LRP1B: variants seen among roughly 807,000 people sequenced by gnomAD.
The protein encoded by LRP1B is LDL receptor related protein 1B, also known as low-density lipoprotein receptor-related protein 1B.
Under a neutral mutation model 556.6 loss-of-function variants are expected in LRP1B, and 217 were observed. The ratio of observed to expected loss-of-function variants is 0.39; its 90% CI spans 0.35 to 0.44. LRP1B has a LOEUF of 0.44. LRP1B is among the 20% of genes least tolerant of loss of function. The pLI is 1.00. For synonymous variants in LRP1B, 2,047 were observed against 1,865.8 expected, an observed-to-expected ratio of 1.10 and a Z score of -2.50; for missense variants, 5,053 against 5,620.8, an observed-to-expected ratio of 0.90 and a Z score of 3.23.
chr2:140,235,632 C>T (rs1002978080), intron 89 of LRP1B, among the ~76,000 whole-genome samples: 5 of 150,922 alleles, frequency 3.3e-5, no homozygotes, highest in African/African-American at 1.2e-4. Flanking sequence ...TTCAGTCATC[C>T]AATTGGTAAA....
chr2:141,322,913 G>A (rs1484189140), intron 3 of LRP1B, among the ~76,000 whole-genome samples: 2 of 152,020 alleles, frequency 1.3e-5, no homozygotes, highest in African/African-American at 2.4e-5. Context: ...GATTAAAATT[G>A]CAGTCCTATA....
intron 41 of LRP1B, among the ~76,000 whole-genome samples, chr2:140,695,698 A>T (rs1477271704): frequency 6.6e-6 from 1 of 152,188 alleles, no homozygotes; most frequent in Non-Finnish European, 1.5e-5. Context: ...TAGACTTTTA[A>T]CAGTGTCTTC....
intron 1 of LRP1B, among the ~76,000 whole-genome samples, chr2:141,903,300 T>C (rs1043782604): frequency 1.3e-5 from 2 of 152,008 alleles, no homozygotes; most frequent in African/African-American, 4.8e-5. Context: ...TATAAGAAGG[T>C]AAATCAACTT....
rs112852618 is a variant in LRP1B at position 140,632,503 on chromosome 2, A to T, written c.6800-30864T>A. On this transcript the variant is annotated intron_variant, in intron 41 of 90. Transcript: ENST00000389484. ...GGAAAAACACTAAAAATATAAAGCA[A>T]AATATAATTGATATGCTAAAAGAGG... Among the ~76,000 whole-genome samples, 8 of 152,300 alleles carry T rather than the reference A, an allele frequency of 5.3e-5. 1 individual carries two copies. Among genetic ancestry groups the T allele is most frequent in the African/African-American group, 1.9e-4 (8 of 41,570 alleles).
intron 41 of LRP1B, among the ~76,000 whole-genome samples, chr2:140,610,928 AT>A (rs1428897604): frequency 1.3e-5 from 2 of 152,248 alleles, no homozygotes; most frequent in Non-Finnish European, 2.9e-5. Flanking sequence ...ATGGTAACAA[AT>A]TCATAAGACA....
rs530527666 is a variant in LRP1B at position 140,560,916 on chromosome 2, T to G, written c.7195-18945A>C. On this transcript the variant is annotated intron_variant, in intron 43 of 90. Transcript: ENST00000389484. Reference sequence around the variant, plus strand: ...TGGAACAACTATATATATACATGTTTGTGATTGTGTACACACAAAAAGAAA... The same window carrying G: ...TGGAACAACTATATATATACATGTTGGTGATTGTGTACACACAAAAAGAAA... Among the ~76,000 whole-genome samples, 10 of 152,266 alleles carry G rather than the reference T, an allele frequency of 6.6e-5. No individual in the cohort carries two copies. The East Asian group carries it at 1.9e-3, about 29-fold the overall frequency.
In LRP1B at chr2:141,055,118, T is replaced by C. The variant is rs1699142901; in HGVS notation, c.1550A>G (p.Lys517Arg). 1.2e-6 allele frequency: 2 copies of C among 1,611,752 alleles called. No homozygotes were observed. Among genetic ancestry groups the C allele is most frequent in the African/African-American group, 2.7e-5 (2 of 74,766 alleles). The change falls in exon 10 of 91, where the codon AAA (lysine) becomes AGA (arginine). Residue 517 changes from lysine to arginine, a missense_variant and splice_region_variant. By Grantham distance (26) the Lys-to-Arg change is conservative. Around this residue, in one of 5 missense-constraint regions of LRP1B, gnomAD observed 3,619 missense variants for 3,931.9 expected, o/e 0.92. Transcript: ENST00000389484. Reference protein sequence around the residue: ...FNLGSDGRSCKRPKNELFLFY... With the variant: ...FNLGSDGRSCRRPKNELFLFY... ...AATGTTTTATTTTAACAACATACTT[T>C]TGCATGACCTGCCATCACTTCCCAA...
At chr2:140,800,300 T>C (rs1407275141) in intron 32 of LRP1B, among the ~76,000 whole-genome samples, 1 of 151,896 alleles carries the variant, frequency 6.6e-6, no homozygotes, top group African/African-American at 2.4e-5. Flanking sequence ...CTAATGTAAA[T>C]GACGAGTAAA....
At chr2:141,059,180 C>A in intron 8 of LRP1B, 126 bp from the exon 9 acceptor site, 1 of 596,180 alleles carries the variant, frequency 1.7e-6, no homozygotes, top group Non-Finnish European at 2.7e-6. Flanking sequence ...ATGTTATTTA[C>A]TTTTTCTCAA....
chr2:140,284,686 A>G (rs563395757), intron 84 of LRP1B, among the ~76,000 whole-genome samples: 1 of 150,462 alleles, frequency 6.6e-6, no homozygotes, highest in South Asian at 2.1e-4. Context: ...CTATAGTTGA[A>G]GCAACGATTT....
At chr2:140,716,422 C>T (rs1157363267) in intron 36 of LRP1B, among the ~76,000 whole-genome samples, 3 of 152,030 alleles carry the variant, frequency 2.0e-5, no homozygotes, top group Non-Finnish European at 2.9e-5. Flanking sequence ...ACTTCTAACA[C>T]TTGTTTACCT....
chr2:141,946,686 G>A (rs1700962766), intron 1 of LRP1B, among the ~76,000 whole-genome samples: 1 of 152,120 alleles, frequency 6.6e-6, no homozygotes, highest in African/African-American at 2.4e-5. Flanking sequence ...TATCACATGT[G>A]ACTCTCGAAA....
chr2:141,517,436 A>G (rs1684366752), intron 2 of LRP1B, among the ~76,000 whole-genome samples: 1 of 152,158 alleles, frequency 6.6e-6, no homozygotes, highest in African/African-American at 2.4e-5. Flanking sequence ...TTGATGGTGT[A>G]TTCTCACAGA....
intron 3 of LRP1B, among the ~76,000 whole-genome samples, chr2:141,420,665 T>G (rs1381524677): frequency 1.3e-5 from 2 of 152,154 alleles, no homozygotes; most frequent in African/African-American, 4.8e-5. Context: ...TCTAAGAAGA[T>G]AGAACATTAC....
chr2:140,498,010 C>G lies in LRP1B; in HGVS notation c.8851-2262G>C. 1.3e-5 allele frequency among the ~76,000 whole-genome samples: 2 copies of G among 151,648 alleles called. 1 individual carries two copies. The highest frequency in any genetic ancestry group is 1.3e-4 in the Admixed American group (2 of 15,208). ...CTATTTTAATAAAAATATTTTTGGT[C>G]TCAAATAATAAAAAGACATCTGCAG... On this transcript the variant is annotated intron_variant, in intron 55 of 90. Transcript: ENST00000389484.
At chr2:140,386,944 A>C (rs2105200850) in intron 66 of LRP1B, among the ~76,000 whole-genome samples, 1 of 152,320 alleles carries the variant, frequency 6.6e-6, no homozygotes, top group East Asian at 1.9e-4. Context: ...TATAATGGAA[A>C]TTGGGATTCA....
intron 31 of LRP1B, among the ~76,000 whole-genome samples, chr2:140,822,898 T>C (rs2105057917): frequency 6.6e-6 from 1 of 152,346 alleles, no homozygotes; most frequent in South Asian, 2.1e-4. Flanking sequence ...AGACTCAGTT[T>C]CTGAATCTAT....
chr2:140,801,817 T>A (rs900210148), intron 32 of LRP1B, among the ~76,000 whole-genome samples: 3 of 152,064 alleles, frequency 2.0e-5, no homozygotes, highest in South Asian at 2.1e-4. Context: ...TACAGCAGAT[T>A]TTGAAAGTTT....
Position 140,418,231 on chromosome 2 carries a change from C to T in LRP1B, c.10414+24273G>A, listed in dbSNP as rs186214175. On this transcript the variant is annotated intron_variant, in intron 66 of 90. Coordinates refer to ENST00000389484, the MANE Select transcript of LRP1B (RefSeq NM_018557.3). ...GTGATTTTTGATATGTTTCAAACAT[C>T]GCAGAGATTTTGAAAGAGACTGAAC... Among the ~76,000 whole-genome samples the T allele has an allele frequency of 2.4e-3, 361 of 152,264 alleles. 1 individual carries two copies. The highest frequency in any genetic ancestry group is 6.8e-3 in the Middle Eastern group (2 of 294).
Sources: allele counts gnomAD v4.1 joint callset (sites outside exome capture counted in the v4.1 genomes callset), GRCh38; gene constraint gnomAD v4.1.1; regional missense constraint gnomAD v4.1.1; transcripts MANE v1.5; gene names NCBI Gene and HGNC (gene_info 2026-07-23, HGNC 2026-07-21).